RFX2: variants seen among roughly 807,000 people sequenced by gnomAD.
RFX2 encodes the protein DNA-binding protein RFX2.
RFX2 carries 20 observed loss-of-function variants against 87.8 expected under a neutral mutation model. The ratio of observed to expected loss-of-function variants is 0.23; its 90% CI spans 0.16 to 0.33. RFX2 has a LOEUF of 0.33. Among genes scored for constraint, RFX2 ranks in the 10% least tolerant of loss-of-function variants. The pLI is 1.00. For missense variants in RFX2, 767 were observed against 1,012.3 expected (o/e 0.76, Z 3.29); for synonymous variants, 397 against 431.3 (o/e 0.92, Z 0.98).
In RFX2 at chr19:6,011,184, G is replaced by A. The variant is rs1212513543; in HGVS notation, c.900-933C>T. 1.3e-5 allele frequency among the ~76,000 whole-genome samples: 2 copies of A among 151,706 alleles called. No individual in the cohort carries two copies. Among genetic ancestry groups the A allele is most frequent in the Non-Finnish European group, 2.9e-5 (2 of 68,010 alleles). ...AAAATAAAAGGGAGATTCTTTGCGT[G>A]AATCACAAACATCTTATTATTGGTG... On this transcript the variant is annotated intron_variant, in intron 8 of 17. Transcript: ENST00000303657. This position sits in a 1 kb window ranked among gnomAD's most constrained non-coding sequence, Gnocchi z 4.8.
rs1476171672 is a variant in RFX2, at chr19:5,998,489, A to C, written c.1860-1276T>G. Among the ~76,000 whole-genome samples the C allele has an allele frequency of 1.3e-5, 2 of 152,232 alleles. No individual in the cohort carries two copies. Among genetic ancestry groups the C allele is most frequent in the Admixed American group, 6.5e-5 (1 of 15,274 alleles). ...ACGTCTAATCGGTATCGAGCGATAA[A>C]AAGAAGACACAGGCTTGAGAAAGGC... On this transcript the variant is annotated intron_variant, in intron 15 of 17. Transcript: ENST00000303657. This position sits in a 1 kb window ranked among gnomAD's most constrained non-coding sequence, Gnocchi z 4.2.
At chr19:6,028,479 G>C (rs908048357) in intron 5 of RFX2, among the ~76,000 whole-genome samples, 1 of 152,174 alleles carries the variant, frequency 6.6e-6, no homozygotes, top group African/African-American at 2.4e-5. Flanking sequence ...ATTTCTTAAA[G>C]GTTAGCTGCA....
Position 6,040,416 on chromosome 19 carries a change from A to T in RFX2, c.261-175T>A, listed in dbSNP as rs536928601. ...AATGCAGCGCAAGTTCACAGCCACCATGTTGCAAAATCTTTAGGACCACAG... is the reference window on the plus strand; with the variant it reads ...AATGCAGCGCAAGTTCACAGCCACCTTGTTGCAAAATCTTTAGGACCACAG... On this transcript the variant is annotated intron_variant, in intron 4 of 17. Transcript: ENST00000303657. This position sits in a 1 kb window ranked among gnomAD's most constrained non-coding sequence, Gnocchi z 6.1. Among the ~76,000 whole-genome samples, 2 of 152,344 alleles carry T rather than the reference A, an allele frequency of 1.3e-5. No homozygotes were observed. Among genetic ancestry groups the T allele is most frequent in the East Asian group, 3.9e-4 (2 of 5,186 alleles).
Position 6,021,063 on chromosome 19 carries a change from C to T in RFX2, c.598-4792G>A, listed in dbSNP as rs1440853966. Among the ~76,000 whole-genome samples, 2 of 152,196 alleles carry T rather than the reference C, an allele frequency of 1.3e-5. No individual in the cohort carries two copies. Among genetic ancestry groups the T allele is most frequent in the Non-Finnish European group, 2.9e-5 (2 of 68,044 alleles). On this transcript the variant is annotated intron_variant, in intron 6 of 17. Coordinates refer to ENST00000303657, the MANE Select transcript of RFX2 (RefSeq NM_000635.4). The surrounding 1 kb of genome is among the most constrained non-coding windows in gnomAD (Gnocchi z 5.7). ...GGTGGGAAGGCAGGGATCATGCCCA[C>T]CTACCTGGCCCCCTTTGTCTCCTAA... is the stretch of plus-strand genomic sequence containing the variant.
chr19:6,042,790 C>T (rs753555049), intron 3 of RFX2, among the ~76,000 whole-genome samples: 8 of 152,216 alleles, frequency 5.3e-5, no homozygotes, highest in South Asian at 2.1e-4. Context: ...TTCAGAGCCT[C>T]GGCTGACAGG....
intron 5 of RFX2, among the ~76,000 whole-genome samples, chr19:6,030,516 A>G (rs1009735295): frequency 5.3e-5 from 8 of 152,244 alleles, no homozygotes; most frequent in African/African-American, 1.9e-4. Context: ...TATATATTAT[A>G]TAATTCCTTT....
rs1446111298 is a variant in RFX2 at position 6,083,764 on chromosome 19, G to A, written c.-9+26629C>T. On this transcript the variant is annotated intron_variant, in intron 1 of 17. Transcript: ENST00000303657. This position sits in a 1 kb window ranked among gnomAD's most constrained non-coding sequence, Gnocchi z 4.6. ...TTTTTTAATTTTTTGTACAGATGGG[G>A]TCTCACCATCTTGCCCAGGCTGTGA... is the stretch of plus-strand genomic sequence containing the variant. Among the ~76,000 whole-genome samples, 1 of 151,912 alleles carries A rather than the reference G, an allele frequency of 6.6e-6. No homozygotes were observed. Among genetic ancestry groups the A allele is most frequent in the East Asian group, 1.9e-4 (1 of 5,192 alleles).
rs113282778 is a variant in RFX2 at position 6,027,950 on chromosome 19, C to T, written c.523-1713G>A. Among the ~76,000 whole-genome samples the T allele has an allele frequency of 9.2e-5, 14 of 152,170 alleles. No homozygotes were observed. The highest frequency in any genetic ancestry group is 1.3e-4 in the Non-Finnish European group (9 of 68,012). ...TAATTTTTGTATTTTTTAGCAGAGA[C>T]GGGATTTCTCTACGTTGGCCAAGCT... On this transcript the variant is annotated intron_variant, in intron 5 of 17. Transcript: ENST00000303657. This position sits in a 1 kb window ranked among gnomAD's most constrained non-coding sequence, Gnocchi z 5.0.
intron 5 of RFX2, among the ~76,000 whole-genome samples, chr19:6,031,830 T>A (rs1001539516): frequency 6.6e-6 from 1 of 151,818 alleles, no homozygotes; most frequent in African/African-American, 2.4e-5. Flanking sequence ...CATTCTTTTT[T>A]AAAAAAGAGG....
chr19:6,024,744 C>T lies in RFX2; in HGVS notation c.597+1419G>A, dbSNP rs528880740. Reference sequence around the variant, plus strand: ...GAGGACGGGAGTGAGGACGGGATCACGGTGAGGACGGGAGTGAGGACGGGA... The same window carrying T: ...GAGGACGGGAGTGAGGACGGGATCATGGTGAGGACGGGAGTGAGGACGGGA... On this transcript the variant is annotated intron_variant, in intron 6 of 17. Transcript: ENST00000303657. The surrounding 1 kb of genome is among the most constrained non-coding windows in gnomAD (Gnocchi z 5.0). Among the ~76,000 whole-genome samples, 49 of 151,434 alleles carry T rather than the reference C, an allele frequency of 3.2e-4. No individual in the cohort carries two copies. Among genetic ancestry groups the T allele is most frequent in the Non-Finnish European group, 5.9e-4 (40 of 67,902 alleles).
chr19:6,037,114 C>G (rs951931132), intron 5 of RFX2, among the ~76,000 whole-genome samples: 1 of 151,828 alleles, frequency 6.6e-6, no homozygotes, highest in African/African-American at 2.4e-5. Context: ...GAAACTCCGT[C>G]TCTACTAAAA....
At chr19:6,069,080 C>T (rs553220890) in intron 1 of RFX2, among the ~76,000 whole-genome samples, 1 of 152,200 alleles carries the variant, frequency 6.6e-6, no homozygotes, top group Admixed American at 6.5e-5. Flanking sequence ...AAGAAAAAGG[C>T]CTGGAGAGCA....
chr19:6,010,667 T>C lies in RFX2; in HGVS notation c.900-416A>G, dbSNP rs2086648901. ...AACTGGTCTCTCTCACTGAGCGTTA[T>C]GTCCTCAAGGTCCACCGAGTTGTAG... On this transcript the variant is annotated intron_variant, in intron 8 of 17. Coordinates refer to ENST00000303657, the MANE Select transcript of RFX2 (RefSeq NM_000635.4). The surrounding 1 kb of genome is among the most constrained non-coding windows in gnomAD (Gnocchi z 5.0). Among the ~76,000 whole-genome samples the C allele has an allele frequency of 6.6e-6, 1 of 152,240 alleles. No individual in the cohort carries two copies. The highest frequency in any genetic ancestry group is 6.5e-5 in the Admixed American group (1 of 15,278).
rs752061993 is a variant in RFX2, at chr19:6,007,025, C to T, written c.1389G>A (p.Leu463=). 18 of 1,614,086 alleles carry T rather than the reference C, an allele frequency of 1.1e-5. No individual in the cohort carries two copies. Among genetic ancestry groups the T allele is most frequent in the Non-Finnish European group, 1.4e-5 (17 of 1,180,010 alleles). The change falls in exon 12 of 18, where the codon CTG becomes CTA. Residue 463 remains leucine (L), a synonymous_variant. Coordinates refer to ENST00000303657, the MANE Select transcript of RFX2 (RefSeq NM_000635.4). The surrounding 1 kb of genome is among the most constrained non-coding windows in gnomAD (Gnocchi z 8.2). ...TGGGTCACTTACTGGGGACCGGCCTCAGCACGTCGGGGATGAGAATCTCCA... is the reference window on the plus strand; with the variant it reads ...TGGGTCACTTACTGGGGACCGGCCTTAGCACGTCGGGGATGAGAATCTCCA... ...ALVEILIPDV[L]RPVPSTLTQA...
In RFX2 at chr19:6,110,088, G is replaced by A. The variant is rs957289489; in HGVS notation, c.-9+305C>T. ...GGGGCGCCCCCAACTCAGCGAGTTT[G>A]AAGGTAAGCGTGAGAAAGGGGTCCC... is the stretch of plus-strand genomic sequence containing the variant. On this transcript the variant is annotated intron_variant, in intron 1 of 17. Transcript: ENST00000303657. The surrounding 1 kb of genome is among the most constrained non-coding windows in gnomAD (Gnocchi z 4.3). Among the ~76,000 whole-genome samples, 4 of 152,092 alleles carry A rather than the reference G, an allele frequency of 2.6e-5. No individual in the cohort carries two copies. Among genetic ancestry groups the A allele is most frequent in the African/African-American group, 7.2e-5 (3 of 41,426 alleles).
At chr19:6,071,121 T>C (rs370649104) in intron 1 of RFX2, among the ~76,000 whole-genome samples, 30 of 152,378 alleles carry the variant, frequency 2.0e-4, no homozygotes, top group African/African-American at 6.0e-4. Flanking sequence ...ATATACCTAT[T>C]TTTCTTGCTA....
intron 16 of RFX2, 85 bp downstream of exon 16, chr19:5,996,975 C>T (rs1465361539): frequency 1.4e-6 from 2 of 1,395,924 alleles, no homozygotes; most frequent in South Asian, 1.4e-5. Flanking sequence ...CTGCGAGTGT[C>T]CTCTCTCTGG....
chr19:6,048,599 G>C (rs1006684968), intron 1 of RFX2, among the ~76,000 whole-genome samples: 1 of 152,108 alleles, frequency 6.6e-6, no homozygotes, highest in African/African-American at 2.4e-5. Context: ...GGGTGGTGAG[G>C]ACTGAACCTC....
Position 5,993,645 on chromosome 19 carries a change from C to T in RFX2, c.*1190G>A, listed in dbSNP as rs778966574. ...AGAAATCGCGTCCTGGGCCGAGGCT[C>T]GTCTTTCTTCTCTGCAGTTGGTTTG... On this transcript the variant is annotated 3_prime_UTR_variant, in exon 18 of 18. Coordinates refer to ENST00000303657, the MANE Select transcript of RFX2 (RefSeq NM_000635.4). 1.3e-5 allele frequency: 2 copies of T among 152,212 alleles called. No homozygotes were observed. Among genetic ancestry groups the T allele is most frequent in the African/African-American group, 2.4e-5 (1 of 41,452 alleles). The allele number at this position is 152,212 out of a possible 1,614,324, so 9.4% of individuals were successfully genotyped here. A position where few individuals can be genotyped will look rare whatever the true frequency, so the allele number is the denominator to read the frequency against.
Sources: allele counts gnomAD v4.1 joint callset (sites outside exome capture counted in the v4.1 genomes callset), GRCh38; gene constraint gnomAD v4.1.1; non-coding constraint Gnocchi (gnomAD v3.1); transcripts MANE v1.5; gene names NCBI Gene and HGNC (gene_info 2026-07-23, HGNC 2026-07-21).